SIPA1L2: variants seen among roughly 807,000 people sequenced by gnomAD.
SIPA1L2 encodes the protein signal induced proliferation associated 1 like 2.
In SIPA1L2, 56 loss-of-function variants were observed where a neutral mutation model predicts 163.9. The ratio of observed to expected loss-of-function variants is 0.34; its 90% CI spans 0.28 to 0.43. The LOEUF is 0.43. Among genes scored for constraint, SIPA1L2 ranks in the 20% least tolerant of loss-of-function variants. The probability of loss-of-function intolerance (pLI) is 1.00; values close to 1 mark genes in which losing one functional copy is unlikely to be tolerated. For synonymous variants in SIPA1L2, 877 were observed against 865.7 expected (o/e 1.01, Z -0.23); for missense variants, 1,974 against 2,193.5 (o/e 0.90, Z 2.00).
chr1:232,498,407 A>T (rs1666306064), intron 3 of SIPA1L2, among the ~76,000 whole-genome samples: 2 of 152,238 alleles, frequency 1.3e-5, no homozygotes, highest in Non-Finnish European at 1.5e-5. Flanking sequence ...ATTGGAACTT[A>T]CATGGCAAGA....
At chr1:232,429,723 G>A (rs1662115153) in intron 16 of SIPA1L2, among the ~76,000 whole-genome samples, 1 of 152,132 alleles carries the variant, frequency 6.6e-6, no homozygotes, top group Non-Finnish European at 1.5e-5. Context: ...CAAGACGCTG[G>A]AGGGCTTTTG....
intron 10 of SIPA1L2, among the ~76,000 whole-genome samples, chr1:232,460,463 T>C (rs967284275): frequency 7.2e-5 from 11 of 152,186 alleles, no homozygotes; most frequent in African/African-American, 2.2e-4. Context: ...GTCTGTTAAA[T>C]ATTTTTTAAA....
At chr1:232,504,198 T>C (rs1244920642) in intron 3 of SIPA1L2, among the ~76,000 whole-genome samples, 1 of 150,260 alleles carries the variant, frequency 6.7e-6, no homozygotes, top group African/African-American at 2.5e-5. Context: ...TGAGACTCCA[T>C]CTCAAAACAA....
rs1474039053 is a variant in SIPA1L2 at position 232,514,589 on chromosome 1, A to G, written c.751T>C (p.Ser251Pro). 1 of 1,614,180 alleles carries G rather than the reference A, an allele frequency of 6.2e-7. No individual in the cohort carries two copies. Among genetic ancestry groups the G allele is most frequent in the Non-Finnish European group, 8.5e-7 (1 of 1,180,038 alleles). Residue 251 changes from serine (S) to proline (P), a missense_variant, in exon 3 of 23, where the codon TCT (serine) becomes CCT (proline). By Grantham distance (74) the Ser-to-Pro change is moderately conservative (BLOSUM62 -1). Around this residue, in one of 3 missense-constraint regions of SIPA1L2, gnomAD observed 607 missense variants for 624.0 expected, o/e 0.97. Transcript: ENST00000674635. ...SPSLHAAAQI[S>P]RGEFVRISGL... ...GAGATGCGGACAAATTCTCCCCTAG[A>G]AATCTGTGCTGCTGCATGAAGGCTC...
chr1:232,449,434 C>T (rs1011047883), intron 10 of SIPA1L2, among the ~76,000 whole-genome samples: 3 of 150,016 alleles, frequency 2.0e-5, no homozygotes, highest in Non-Finnish European at 4.4e-5. Flanking sequence ...AGGAGAATGG[C>T]GTGAACCCAA....
chr1:232,617,219 A>G (rs1446504637), intron 1 of SIPA1L2, among the ~76,000 whole-genome samples: 1 of 152,240 alleles, frequency 6.6e-6, no homozygotes, highest in Non-Finnish European at 1.5e-5. Flanking sequence ...GCTCAGCTCA[A>G]TGCTGTGAGC....
chr1:232,445,148 G>T (rs1282095691), intron 11 of SIPA1L2, among the ~76,000 whole-genome samples: 1 of 152,198 alleles, frequency 6.6e-6, no homozygotes, highest in Non-Finnish European at 1.5e-5. Flanking sequence ...ACATTATGAT[G>T]ATATTTAAGC....
intron 11 of SIPA1L2, among the ~76,000 whole-genome samples, chr1:232,445,114 T>C (rs151014396): frequency 2.0e-5 from 3 of 152,350 alleles, no homozygotes; most frequent in African/African-American, 7.2e-5. Context: ...CTTAATGAGC[T>C]TGGAACCTCT....
At chr1:232,441,956 A>T (rs373583880) in intron 12 of SIPA1L2, 88 bp from the exon 13 acceptor site, 3 of 1,108,004 alleles carry the variant, frequency 2.7e-6, no homozygotes, top group Non-Finnish European at 3.9e-6. Flanking sequence ...CAAGTAGGCT[A>T]TGCGAGGGAA....
At chr1:232,438,965 T>TC (rs1450525974) in intron 15 of SIPA1L2, 143 bp downstream of exon 15, 1 of 745,476 alleles carries the variant, frequency 1.3e-6, no homozygotes, top group African/African-American at 1.8e-5. Context: ...AACAAGCCCT[T>TC]CCTCTGATGT....
rs747511717 is a variant in SIPA1L2 at position 232,483,812 on chromosome 1, C to T, written c.1961G>A (p.Arg654Gln). ...CTTACTCTTATTGTCTAGCTGAGCT[C>T]GATATTTACTAAATCCTTTCAGTCG... ...RVRLKGFSKYRAQLDNKTDST... is the reference protein window; with the variant it reads ...RVRLKGFSKYQAQLDNKTDST... The change falls in exon 6 of 23, where the codon CGA (arginine) becomes CAA (glutamine). Residue 654 changes from arginine to glutamine, a missense_variant. By Grantham distance (43) the Arg-to-Gln change is conservative. Transcript: ENST00000674635. The T allele has an allele frequency of 5.6e-6, 9 of 1,613,896 alleles. No individual in the cohort carries two copies. Among genetic ancestry groups the T allele is most frequent in the South Asian group, 1.1e-5 (1 of 91,060 alleles).
chr1:232,605,204 G>A (rs1035929118), intron 1 of SIPA1L2, among the ~76,000 whole-genome samples: 1 of 151,990 alleles, frequency 6.6e-6, no homozygotes, highest in Non-Finnish European at 1.5e-5. Flanking sequence ...TGTACAGACG[G>A]GGTTTCTCCA....
intron 1 of SIPA1L2, among the ~76,000 whole-genome samples, chr1:232,624,954 G>C (rs1478999745): frequency 6.6e-6 from 1 of 152,170 alleles, no homozygotes; most frequent in African/African-American, 2.4e-5. Flanking sequence ...AGTTCCTAAG[G>C]CCTCCGGAGG....
chr1:232,611,250 ATATATCT>A (rs1558303791), intron 1 of SIPA1L2, among the ~76,000 whole-genome samples: 2 of 152,202 alleles, frequency 1.3e-5, no homozygotes, highest in African/African-American at 4.8e-5. Flanking sequence ...CCAGTCTCAA[ATATATCT>A]TTATCAGCAG....
At chr1:232,573,580 A>G (rs772551086) in intron 2 of SIPA1L2, among the ~76,000 whole-genome samples, 2 of 152,146 alleles carry the variant, frequency 1.3e-5, no homozygotes, top group Non-Finnish European at 2.9e-5. Flanking sequence ...AGCCCATCTT[A>G]TTTCCTGCTG....
intron 10 of SIPA1L2, among the ~76,000 whole-genome samples, chr1:232,454,363 T>C (rs1663768064): frequency 6.6e-6 from 1 of 152,174 alleles, no homozygotes; most frequent in South Asian, 2.1e-4. Context: ...TTCCATCCTT[T>C]TCCTCCCTTA....
chr1:232,580,141 A>G lies in SIPA1L2; in HGVS notation c.-318-5919T>C, dbSNP rs145590833. Among the ~76,000 whole-genome samples, 992 of 152,330 alleles carry G rather than the reference A, an allele frequency of 6.5e-3. 22 individuals are homozygous for G. The highest frequency in any genetic ancestry group is 0.029 in the Admixed American group (451 of 15,308). ...GAGTTTTCCAGGAAAGGGGCAAGCAATCCAAGAAGTCACAGTTCCTCCCCT... is the reference window on the plus strand; with the variant it reads ...GAGTTTTCCAGGAAAGGGGCAAGCAGTCCAAGAAGTCACAGTTCCTCCCCT... On this transcript the variant is annotated intron_variant, in intron 1 of 22. Coordinates refer to ENST00000674635, the MANE Select transcript of SIPA1L2 (RefSeq NM_020808.5).
chr1:232,511,518 G>T (rs1386283919), intron 3 of SIPA1L2, among the ~76,000 whole-genome samples: 1 of 151,950 alleles, frequency 6.6e-6, no homozygotes, highest in Non-Finnish European at 1.5e-5. Flanking sequence ...AACAGGAGGG[G>T]GAATTATTAA....
At chr1:232,520,883 T>C (rs975735785) in intron 2 of SIPA1L2, among the ~76,000 whole-genome samples, 4 of 152,282 alleles carry the variant, frequency 2.6e-5, no homozygotes, top group African/African-American at 9.6e-5. Context: ...AAGCCTGGTA[T>C]TAAGTGAAAT....
Sources: allele counts gnomAD v4.1 joint callset (sites outside exome capture counted in the v4.1 genomes callset), GRCh38; gene constraint gnomAD v4.1.1; regional missense constraint gnomAD v4.1.1; transcripts MANE v1.5; gene names NCBI Gene and HGNC (gene_info 2026-07-23, HGNC 2026-07-21).